NAV3: variants seen among roughly 807,000 people sequenced by gnomAD.
NAV3 encodes neuron navigator 3.
Under a neutral mutation model 244.7 loss-of-function variants are expected in NAV3, and 87 were observed. The observed-to-expected ratio is 0.36, with a 90% confidence interval of 0.30 to 0.42. NAV3 has a LOEUF of 0.42. NAV3 is among the 20% of genes least tolerant of loss of function. The pLI, the probability that NAV3 is intolerant of heterozygous loss-of-function variation, is 1.00. For missense variants in NAV3, 2,663 were observed against 2,893.3 expected (o/e 0.92, Z 1.83); for synonymous variants, 1,126 against 1,042.2 (o/e 1.08, Z -1.55).
rs79537918 is a variant in NAV3 at position 78,007,022 on chromosome 12, C to T, written c.1484C>T (p.Ala495Val). The change falls in exon 8 of 40, where the codon GCT becomes GTT. Residue 495 changes from alanine (A) to valine (V), a missense_variant. Ala to Val is a moderately conservative substitution (Grantham distance 64). This residue lies in a region of NAV3 where 1,521 missense variants were observed against 1,497.0 expected (regional missense o/e 1.02). Coordinates refer to ENST00000397909, the MANE Select transcript of NAV3 (RefSeq NM_001024383.2). Reference protein sequence around the residue: ...KEEKDQVTEMAPKKTSKIASL... With the variant: ...KEEKDQVTEMVPKKTSKIASL... Reference sequence around the variant, plus strand: ...GAGAAGGATCAGGTGACAGAGATGGCTCCAAAAAAGACCTCCAAAATTGCA... The same window carrying T: ...GAGAAGGATCAGGTGACAGAGATGGTTCCAAAAAAGACCTCCAAAATTGCA... 1 of 1,614,058 alleles carries T rather than the reference C, an allele frequency of 6.2e-7. No homozygotes were observed. Among genetic ancestry groups the T allele is most frequent in the African/African-American group, 1.3e-5 (1 of 75,012 alleles).
chr12:78,181,100 G>A (rs1175161621), intron 30 of NAV3, 55 bp downstream of exon 30: 2 of 1,523,316 alleles, frequency 1.3e-6, no homozygotes, highest in East Asian at 2.3e-5. Context: ...GTTAACGGGT[G>A]GGAAGCCTGG....
intron 2 of NAV3, among the ~76,000 whole-genome samples, chr12:77,676,521 C>T (rs1401399413): frequency 6.6e-6 from 1 of 150,864 alleles, no homozygotes; most frequent in Admixed American, 6.6e-5. Flanking sequence ...TTTTGCAGAA[C>T]TCGTCCTGTG....
chr12:77,990,468 T>C (rs980920542), intron 5 of NAV3, among the ~76,000 whole-genome samples: 2 of 152,200 alleles, frequency 1.3e-5, no homozygotes, highest in Non-Finnish European at 2.9e-5. Context: ...TGATACTATC[T>C]AAGAGGCCTG....
At chr12:77,834,574 C>T (rs1874293604) in intron 1 of NAV3, among the ~76,000 whole-genome samples, 1 of 152,196 alleles carries the variant, frequency 6.6e-6, no homozygotes, top group African/African-American at 2.4e-5. Flanking sequence ...CTGACCATGG[C>T]TATCTTTTCT....
intron 1 of NAV3, among the ~76,000 whole-genome samples, chr12:77,857,705 A>T (rs1878603768): frequency 6.6e-6 from 1 of 151,938 alleles, no homozygotes; most frequent in Non-Finnish European, 1.5e-5. Context: ...CAAAAGAATT[A>T]ATGATATTTT....
chr12:77,940,249 TG>T, intron 1 of NAV3, 69 bp from the exon 2 acceptor site: 1 of 1,116,988 alleles, frequency 9.0e-7, no homozygotes, highest in South Asian at 1.4e-5. Context: ...ATCCAACATT[TG>T]TCTTCAGCAT....
chr12:77,585,872 A>C (rs1350138449), intron 2 of NAV3, among the ~76,000 whole-genome samples: 1 of 152,146 alleles, frequency 6.6e-6, no homozygotes, highest in Non-Finnish European at 1.5e-5. Flanking sequence ...CTATTCTTAA[A>C]AATTTGCTAG....
rs2138846950 is a variant in NAV3 at position 78,128,688 on chromosome 12, A to G, written c.4281-18A>G. On this transcript the variant is annotated intron_variant, in intron 17 of 39. Coordinates refer to ENST00000397909, the MANE Select transcript of NAV3 (RefSeq NM_001024383.2). ...CCTTGTAGATGTGCTTAAGTGTCAT[A>G]GCTGTGCTGTTTTGCAGATATACCC... 6.2e-7 allele frequency: 1 copy of G among 1,611,446 alleles called. No homozygotes were observed. Among genetic ancestry groups the G allele is most frequent in the East Asian group, 2.2e-5 (1 of 44,838 alleles).
rs1592724961 is a variant in NAV3, at chr12:77,831,355, G to A, written c.-107G>A. On this transcript the variant is annotated 5_prime_UTR_variant, in exon 1 of 40. Coordinates refer to ENST00000397909, the MANE Select transcript of NAV3 (RefSeq NM_001024383.2). The stretch of plus-strand genomic sequence containing the variant: ...TAGCTTTTTAAAAATCAGGATGACT[G>A]CTAGTTTTGTTTAAAGTATTTGTTC... The A allele has an allele frequency of 4.2e-6, 5 of 1,181,330 alleles. No homozygotes were observed. The highest frequency in any genetic ancestry group is 5.7e-6 in the Non-Finnish European group (5 of 871,228). 73.2% of individuals were successfully genotyped at this position (1,181,330 alleles called of 1,614,324 possible). A position where few individuals can be genotyped will look rare whatever the true frequency, so the allele number is the denominator to read the frequency against.
At chr12:77,735,951 A>G (rs2137366174) in intron 2 of NAV3, among the ~76,000 whole-genome samples, 1 of 152,294 alleles carries the variant, frequency 6.6e-6, no homozygotes, top group Middle Eastern at 3.4e-3. Context: ...TGATGTCTGC[A>G]TTTCCCCTCT....
chr12:78,006,001 C>T (rs146379592), intron 7 of NAV3, among the ~76,000 whole-genome samples: 32 of 152,142 alleles, frequency 2.1e-4, no homozygotes, highest in Non-Finnish European at 3.1e-4. Flanking sequence ...CTCTGCTTCC[C>T]GAGTTCAAGC....
chr12:77,609,644 T>A (rs1870823863), intron 2 of NAV3, among the ~76,000 whole-genome samples: 1 of 150,460 alleles, frequency 6.6e-6, no homozygotes, highest in African/African-American at 2.4e-5. Flanking sequence ...TTTGAACAAC[T>A]TCCCAGGTGA....
At chr12:77,735,488 C>T (rs1235116962) in intron 2 of NAV3, among the ~76,000 whole-genome samples, 2 of 151,942 alleles carry the variant, frequency 1.3e-5, no homozygotes, top group African/African-American at 4.8e-5. Context: ...GGTTTTAAGC[C>T]CTCCTATAAA....
intron 3 of NAV3, among the ~76,000 whole-genome samples, chr12:77,953,113 A>G (rs939752403): frequency 6.6e-6 from 1 of 152,176 alleles, no homozygotes; most frequent in Non-Finnish European, 1.5e-5. Context: ...ATAGCTTATA[A>G]TGAAGATTTA....
At chr12:77,959,118 G>A (rs1177821758) in intron 3 of NAV3, among the ~76,000 whole-genome samples, 4 of 152,118 alleles carry the variant, frequency 2.6e-5, no homozygotes, top group African/African-American at 9.7e-5. Context: ...GAAATTATCT[G>A]CAGTTAGTTT....
At chr12:78,177,372 G>T (rs1958280713) in intron 27 of NAV3, 59 bp downstream of exon 27, 4 of 1,551,660 alleles carry the variant, frequency 2.6e-6, no homozygotes, top group Admixed American at 3.9e-5. Flanking sequence ...TTAGATGAAG[G>T]CCTTATTTAT....
chr12:78,031,891 A>G (rs1355443933), intron 9 of NAV3, among the ~76,000 whole-genome samples: 2 of 151,758 alleles, frequency 1.3e-5, no homozygotes, highest in Non-Finnish European at 2.9e-5. Context: ...ATAATAAAAA[A>G]ATAATAATAA....
rs980575173 is a variant in NAV3 at position 78,128,626 on chromosome 12, T to G, written c.4281-80T>G. The stretch of plus-strand genomic sequence containing the variant: ...AAATTGTTCATTCTGAATAGTAACC[T>G]CCTCTGAATTGTTTTCCTGTCCTGG... On this transcript the variant is annotated intron_variant, in intron 17 of 39. Coordinates refer to ENST00000397909, the MANE Select transcript of NAV3 (RefSeq NM_001024383.2). 5.8e-6 allele frequency: 8 copies of G among 1,379,646 alleles called. No individual in the cohort carries two copies. In the African/African-American group the frequency reaches 5.8e-5, roughly 10 times the overall value. 85.5% of individuals were successfully genotyped at this position (1,379,646 alleles called of 1,614,324 possible).
At chr12:77,708,861 T>C (rs1359866117) in intron 2 of NAV3, among the ~76,000 whole-genome samples, 1 of 152,142 alleles carries the variant, frequency 6.6e-6, no homozygotes, top group East Asian at 1.9e-4. Flanking sequence ...GCTCTCTGTT[T>C]GTCTGTTATT....
Sources: gnomAD v4.1 joint callset for allele counts (sites outside exome capture counted in the v4.1 genomes callset) on GRCh38, gnomAD v4.1.1 for gene constraint, gnomAD v4.1.1 regional missense constraint, MANE v1.5 for transcripts, NCBI Gene and HGNC (gene_info 2026-07-23, HGNC 2026-07-21) for gene names.